Variants in APCDD1L observed in about 807,000 individuals in gnomAD.
APCDD1L encodes APC down-regulated 1 like, also known as protein APCDD1-like.
Under a neutral mutation model 24.2 loss-of-function variants are expected in APCDD1L, and 21 were observed. That is an observed-to-expected ratio of 0.87 (90% confidence interval 0.61 to 1.25). The LOEUF is 1.25. APCDD1L is among the 50% of genes most tolerant of loss of function. The probability of loss-of-function intolerance (pLI) is 0.00; values close to 1 mark genes in which losing one functional copy is unlikely to be tolerated. For missense variants in APCDD1L, 704 were observed against 711.7 expected (o/e 0.99, Z 0.12); for synonymous variants, 321 against 323.6 (o/e 0.99, Z 0.09).
chr20:58,504,700 C>T (rs1294767855), intron 1 of APCDD1L, among the ~76,000 whole-genome samples: 1 of 152,148 alleles, frequency 6.6e-6, no homozygotes, highest in Non-Finnish European at 1.5e-5. Flanking sequence ...CTGAGGGCAC[C>T]TTTGGCAAGC....
chr20:58,487,159 T>C (rs768236934), intron 1 of APCDD1L, among the ~76,000 whole-genome samples: 15 of 152,072 alleles, frequency 9.9e-5, no homozygotes, highest in Non-Finnish European at 1.8e-4. Flanking sequence ...AATGATACCC[T>C]CTAATTTTGT....
chr20:58,476,145 A>G lies in APCDD1L; in HGVS notation c.50-5398T>C, dbSNP rs74310855. On this transcript the variant is annotated intron_variant, in intron 1 of 3. Transcript: ENST00000371149. ...TTGAGGTCCCCCAGGTGACCCAACT[A>G]TCATTCATTCATTCATTTCTTCTCC... Among the ~76,000 whole-genome samples, 413 of 152,300 alleles carry G rather than the reference A, an allele frequency of 2.7e-3. 8 individuals carry two copies. In the East Asian group the frequency reaches 0.066, roughly 24 times the overall value.
At chr20:58,500,528 CT>C (rs1171128105) in intron 1 of APCDD1L, among the ~76,000 whole-genome samples, 1 of 152,200 alleles carries the variant, frequency 6.6e-6, no homozygotes, top group Non-Finnish European at 1.5e-5. Context: ...CTTGGAAATG[CT>C]TGAGAATGAA....
At chr20:58,463,913 A>T in intron 3 of APCDD1L, among the ~76,000 whole-genome samples, 1 of 134,642 alleles carries the variant, frequency 7.4e-6, no homozygotes, top group East Asian at 2.2e-4. Context: ...GGGGCGTCAC[A>T]TTTTATAAGC....
At chr20:58,473,765 A>C (rs1011994440) in intron 1 of APCDD1L, among the ~76,000 whole-genome samples, 4 of 152,230 alleles carry the variant, frequency 2.6e-5, no homozygotes, top group African/African-American at 9.6e-5. Flanking sequence ...TTTTTAATTA[A>C]CAGTGGTGTC....
intron 1 of APCDD1L, among the ~76,000 whole-genome samples, chr20:58,478,199 G>A (rs1466878955): frequency 1.3e-5 from 2 of 151,996 alleles, no homozygotes; most frequent in Non-Finnish European, 2.9e-5. Flanking sequence ...GATCTTCCAG[G>A]ATCATTTTGT....
chr20:58,463,336 T>C (rs1375511305), intron 3 of APCDD1L, among the ~76,000 whole-genome samples: 2 of 152,002 alleles, frequency 1.3e-5, no homozygotes, highest in Non-Finnish European at 2.9e-5. Flanking sequence ...AGGCTATGAG[T>C]TGGTTTTCCT....
intron 3 of APCDD1L, among the ~76,000 whole-genome samples, chr20:58,466,467 G>A (rs1298733974): frequency 1.3e-5 from 2 of 152,240 alleles, no homozygotes; most frequent in Non-Finnish European, 2.9e-5. Flanking sequence ...TCAGTGTGAG[G>A]CTCGCACTGA....
chr20:58,510,740 G>A (rs1990611003), intron 1 of APCDD1L, among the ~76,000 whole-genome samples: 1 of 152,186 alleles, frequency 6.6e-6, no homozygotes, highest in Non-Finnish European at 1.5e-5. Context: ...CAGGGCTGGG[G>A]CAGAATGACA....
rs1990279036 is a variant in APCDD1L, at chr20:58,494,299, C to G, written c.49+20360G>C. ...TCTTTTCTTTTCTTACTTTTCTTTT[C>G]TCTTCTCTCTTCTCTTCTCTTCTTT... is the stretch of plus-strand genomic sequence containing the variant. On this transcript the variant is annotated intron_variant, in intron 1 of 3. Coordinates refer to ENST00000371149, the MANE Select transcript of APCDD1L (RefSeq NM_153360.3). This position sits in a 1 kb window ranked among gnomAD's most constrained non-coding sequence, Gnocchi z 4.8. 7.7e-6 allele frequency among the ~76,000 whole-genome samples: 1 copy of G among 129,764 alleles called. No homozygotes were observed. Among genetic ancestry groups the G allele is most frequent in the African/African-American group, 4.1e-5 (1 of 24,502 alleles). 85.1% of individuals were successfully genotyped at this position (129,764 alleles called of 152,430 possible).
At chr20:58,463,143 C>CAAAA (rs398036014) in intron 3 of APCDD1L, among the ~76,000 whole-genome samples, 253 of 92,248 alleles carry the variant, frequency 2.7e-3, no homozygotes, top group Middle Eastern at 6.8e-3. Context: ...CTCCATCTCA[C>CAAAA]AAAAAAAAAA....
chr20:58,463,901 G>GGGT lies in APCDD1L; in HGVS notation c.742-2348_742-2347insACC, dbSNP rs1268805552. Among the ~76,000 whole-genome samples the GGGT allele has an allele frequency of 1.5e-5, 2 of 135,438 alleles. 1 individual carries two copies. The highest frequency in any genetic ancestry group is 3.2e-5 in the Non-Finnish European group (2 of 61,944). The allele number at this position is 135,438 out of a possible 152,430, so 88.9% of individuals were successfully genotyped here. ...TTGAGAACAGTTTTTTTTTGGGGGG[G>GGGT]GGGGGCGTCACATTTTATAAGCTGT... is the stretch of plus-strand genomic sequence containing the variant. On this transcript the variant is annotated intron_variant, in intron 3 of 3. Coordinates refer to ENST00000371149, the MANE Select transcript of APCDD1L (RefSeq NM_153360.3).
At chr20:58,475,111 C>T (rs957935290) in intron 1 of APCDD1L, among the ~76,000 whole-genome samples, 1 of 152,110 alleles carries the variant, frequency 6.6e-6, no homozygotes, top group Non-Finnish European at 1.5e-5. Flanking sequence ...CTTCAAAGAT[C>T]ATGAAAAACG....
intron 1 of APCDD1L, among the ~76,000 whole-genome samples, chr20:58,477,740 G>T (rs6064656): frequency 0.025 from 3,813 of 152,170 alleles, 58 homozygotes; most frequent in Non-Finnish European, 0.034. Context: ...ATTATTATTG[G>T]TGGTGTTTTC....
chr20:58,468,793 C>G (rs1989763358), intron 2 of APCDD1L, among the ~76,000 whole-genome samples: 1 of 152,168 alleles, frequency 6.6e-6, no homozygotes, highest in Non-Finnish European at 1.5e-5. Context: ...ATTTTGAACT[C>G]CTGACCTCAA....
chr20:58,514,186 A>C (rs1990689713), intron 1 of APCDD1L, among the ~76,000 whole-genome samples: 4 of 152,062 alleles, frequency 2.6e-5, no homozygotes, highest in Admixed American at 2.6e-4. Context: ...CGCGCTCCCT[A>C]GCTTCTCCCC....
At chr20:58,486,473 C>T (rs1990118863) in intron 1 of APCDD1L, among the ~76,000 whole-genome samples, 1 of 151,990 alleles carries the variant, frequency 6.6e-6, no homozygotes, top group Admixed American at 6.5e-5. Context: ...GACATAGGAG[C>T]TATCATGAGA....
At chr20:58,509,944 CT>C (rs1295659408) in intron 1 of APCDD1L, among the ~76,000 whole-genome samples, 2 of 152,224 alleles carry the variant, frequency 1.3e-5, no homozygotes, top group African/African-American at 4.8e-5. Context: ...CTGCCAACCC[CT>C]GACCTTGTCC....
intron 1 of APCDD1L, among the ~76,000 whole-genome samples, chr20:58,476,508 C>T (rs1181143075): frequency 1.3e-5 from 2 of 152,180 alleles, no homozygotes; most frequent in East Asian, 3.8e-4. Flanking sequence ...TATTGAATGC[C>T]TGTTGTATGC....
Sources: gnomAD v4.1 joint callset for allele counts (sites outside exome capture counted in the v4.1 genomes callset) on GRCh38, gnomAD v4.1.1 for gene constraint, Gnocchi (gnomAD v3.1) non-coding constraint, MANE v1.5 for transcripts, NCBI Gene and HGNC (gene_info 2026-07-23, HGNC 2026-07-21) for gene names.